Variants in CNTN5 observed in about 807,000 individuals in gnomAD.
The protein encoded by CNTN5 is contactin 5, also known as contactin-5.
In CNTN5, 77 loss-of-function variants were observed where a neutral mutation model predicts 129.1. The observed-to-expected ratio is 0.60, with a 90% CI of 0.50 to 0.72. The LOEUF is 0.72. Among genes scored for constraint, CNTN5 ranks in the 30% least tolerant of loss-of-function variants. The pLI, the probability that CNTN5 is intolerant of heterozygous loss-of-function variation, is 0.00. For missense variants in CNTN5, 1,478 were observed against 1,328.8 expected, an observed-to-expected ratio of 1.11 and a Z score of -1.75; for synonymous variants, 509 against 465.6, an observed-to-expected ratio of 1.09 and a Z score of -1.20.
chr11:99,865,575 T>C (rs546545972), intron 6 of CNTN5, among the ~76,000 whole-genome samples: 180 of 152,024 alleles, frequency 1.2e-3, no homozygotes, highest in African/African-American at 4.1e-3. Context: ...TATAACTACT[T>C]GAGAAATATA....
chr11:99,866,691 T>G (rs1439687860), intron 6 of CNTN5, among the ~76,000 whole-genome samples: 1 of 152,240 alleles, frequency 6.6e-6, no homozygotes, highest in Non-Finnish European at 1.5e-5. Context: ...TGTATGAATC[T>G]GACTCAGGAT....
chr11:99,964,793 CT>C (rs1168213697), intron 8 of CNTN5, among the ~76,000 whole-genome samples: 3 of 151,820 alleles, frequency 2.0e-5, no homozygotes, highest in Admixed American at 6.6e-5. Context: ...TGGTCCTGGA[CT>C]TTTTTTTGGT....
chr11:99,644,717 AAAGCACTAC>A (rs1265005280), intron 3 of CNTN5, among the ~76,000 whole-genome samples: 6 of 152,214 alleles, frequency 3.9e-5, no homozygotes, highest in African/African-American at 1.4e-4. Flanking sequence ...GCAACTGAGC[AAAGCACTAC>A]AAGTTATTGA....
At position 99,979,129 on chromosome 11, in the gene CNTN5, C is replaced by T. The variant is rs191295234; in HGVS notation, c.877+22120C>T. ...GCATGCACAGATTTTTGTTTCATTTCGTTTTCTTTTTTCTTTTGGTGCTGG... is the reference window on the plus strand; with the variant it reads ...GCATGCACAGATTTTTGTTTCATTTTGTTTTCTTTTTTCTTTTGGTGCTGG... On this transcript the variant is annotated intron_variant, in intron 8 of 24. Transcript: ENST00000524871. Among the ~76,000 whole-genome samples, 86 of 152,010 alleles carry T rather than the reference C, an allele frequency of 5.7e-4. 1 individual carries two copies. The highest frequency in any genetic ancestry group is 7.8e-4 in the Non-Finnish European group (53 of 67,982).
rs531970796 is a variant in CNTN5, at chr11:99,607,760, T to A, written c.55+51491T>A. Among the ~76,000 whole-genome samples the A allele has an allele frequency of 3.0e-3, 383 of 127,424 alleles. 9 individuals are homozygous for A. The highest frequency in any genetic ancestry group is 9.1e-3 in the African/African-American group (336 of 36,776). 83.6% of individuals were successfully genotyped at this position (127,424 alleles called of 152,430 possible). Reference sequence around the variant, plus strand: ...GTGGCACATATACACCATGGAATACTATGCAGCCATAAAAAGATGATGAGT... The same window carrying A: ...GTGGCACATATACACCATGGAATACAATGCAGCCATAAAAAGATGATGAGT... On this transcript the variant is annotated intron_variant, in intron 3 of 24. Transcript: ENST00000524871.
intron 19 of CNTN5, among the ~76,000 whole-genome samples, chr11:100,298,290 A>G (rs1029498102): frequency 4.0e-5 from 6 of 151,024 alleles, no homozygotes; most frequent in African/African-American, 9.7e-5. Context: ...AATCTGTCCT[A>G]TTTTTTTTGT....
At position 100,138,325 on chromosome 11, in the gene CNTN5, A is replaced by G. The variant is rs962024221; in HGVS notation, c.1581-52801A>G. Among the ~76,000 whole-genome samples the G allele has an allele frequency of 3.3e-5, 5 of 152,038 alleles. 1 individual carries two copies. Among genetic ancestry groups the G allele is most frequent in the African/African-American group, 1.2e-4 (5 of 41,422 alleles). On this transcript the variant is annotated intron_variant, in intron 13 of 24. Transcript: ENST00000524871. ...TTCAATAAATACTCATGGAGTACCTACTATGTACTAGGCGCTTTTCTAGGT... is the reference window on the plus strand; with the variant it reads ...TTCAATAAATACTCATGGAGTACCTGCTATGTACTAGGCGCTTTTCTAGGT...
intron 2 of CNTN5, among the ~76,000 whole-genome samples, chr11:99,378,092 A>G (rs892274601): frequency 6.6e-6 from 1 of 152,140 alleles, no homozygotes; most frequent in Non-Finnish European, 1.5e-5. Flanking sequence ...AACATTACAT[A>G]TAACATGTCT....
intron 13 of CNTN5, among the ~76,000 whole-genome samples, chr11:100,143,998 C>T (rs1175788694): frequency 1.3e-5 from 2 of 152,096 alleles, no homozygotes; most frequent in Non-Finnish European, 2.9e-5. Context: ...ATGGCATTTT[C>T]TTACATCATT....
intron 1 of CNTN5, among the ~76,000 whole-genome samples, chr11:99,231,710 T>C (rs556502285): frequency 6.6e-6 from 1 of 152,204 alleles, no homozygotes; most frequent in Non-Finnish European, 1.5e-5. Context: ...ATTTTTGTCA[T>C]GAAATCTTTG....
chr11:100,313,428 T>C (rs1330094485), intron 21 of CNTN5, among the ~76,000 whole-genome samples: 2 of 133,986 alleles, frequency 1.5e-5, no homozygotes, highest in Admixed American at 7.7e-5. Context: ...CTTGGACACA[T>C]AGGTAAATTG....
At chr11:99,107,461 A>C (rs1167492684) in intron 1 of CNTN5, among the ~76,000 whole-genome samples, 1 of 152,178 alleles carries the variant, frequency 6.6e-6, no homozygotes, top group Non-Finnish European at 1.5e-5. Flanking sequence ...ATTTTAGTTT[A>C]GTCTTTATGT....
At chr11:100,280,194 T>C (rs1318215588) in intron 18 of CNTN5, among the ~76,000 whole-genome samples, 3 of 151,960 alleles carry the variant, frequency 2.0e-5, no homozygotes, top group African/African-American at 7.2e-5. Context: ...TTAGGTCGAT[T>C]TGGTCCACAT....
intron 3 of CNTN5, among the ~76,000 whole-genome samples, chr11:99,705,077 C>A (rs1015848364): frequency 1.3e-5 from 2 of 151,352 alleles, no homozygotes; most frequent in African/African-American, 2.4e-5. Flanking sequence ...CTGTATCTTC[C>A]AATATCTTCT....
intron 8 of CNTN5, among the ~76,000 whole-genome samples, chr11:99,976,242 C>T (rs72994832): frequency 0.057 from 8,623 of 152,320 alleles, 279 homozygotes; most frequent in Non-Finnish European, 0.076. Context: ...CAGGATACAG[C>T]CCTCTTGGCT....
intron 2 of CNTN5, among the ~76,000 whole-genome samples, chr11:99,332,519 G>A (rs575094284): frequency 1.3e-5 from 2 of 152,050 alleles, no homozygotes; most frequent in East Asian, 1.9e-4. Context: ...TGATAGTCAC[G>A]GTTACAAAGA....
chr11:99,701,594 TTATCC>T (rs1015390948), intron 3 of CNTN5, among the ~76,000 whole-genome samples: 3 of 151,146 alleles, frequency 2.0e-5, no homozygotes, highest in Non-Finnish European at 4.5e-5. Flanking sequence ...TGTATATGTG[TTATCC>T]TATTCTGTTT....
chr11:100,210,834 TG>T (rs1949015444), intron 15 of CNTN5, among the ~76,000 whole-genome samples: 1 of 152,190 alleles, frequency 6.6e-6, no homozygotes, highest in Non-Finnish European at 1.5e-5. Context: ...AAAAAGACTT[TG>T]GAAATCAACT....
At chr11:99,800,582 C>G (rs1946083021) in intron 3 of CNTN5, among the ~76,000 whole-genome samples, 1 of 152,068 alleles carries the variant, frequency 6.6e-6, no homozygotes, top group Admixed American at 6.6e-5. Flanking sequence ...CTAAGTCTAT[C>G]AGAGGTCTAA....
Sources: gnomAD v4.1 joint callset for allele counts (sites outside exome capture counted in the v4.1 genomes callset) on GRCh38, gnomAD v4.1.1 for gene constraint, MANE v1.5 for transcripts, NCBI Gene and HGNC (gene_info 2026-07-23, HGNC 2026-07-21) for gene names.